FXR1: variants seen among roughly 807,000 people sequenced by gnomAD.
The protein encoded by FXR1 is FMR1 autosomal homolog 1, also known as RNA-binding protein FXR1.
Under a neutral mutation model 84.0 loss-of-function variants are expected in FXR1, and 15 were observed. That is an observed-to-expected ratio of 0.18 (90% confidence interval 0.12 to 0.27). The LOEUF is 0.27. Ranked by LOEUF, FXR1 falls within the 10% of genes least tolerant of loss-of-function variation. The pLI is 1.00. For synonymous variants in FXR1, 245 were observed against 250.7 expected (o/e 0.98, Z 0.21); for missense variants, 480 against 774.4 (o/e 0.62, Z 4.51).
intron 1 of FXR1, chr3:180,915,562 C>G: frequency 8.3e-7 from 1 of 1,201,140 alleles, no homozygotes; most frequent in Non-Finnish European, 1.2e-6. Flanking sequence ...CTAGAAGTTG[C>G]CTTGAGATGA....
At chr3:180,952,382 G>A (rs1315418739) in intron 8 of FXR1, among the ~76,000 whole-genome samples, 1 of 152,126 alleles carries the variant, frequency 6.6e-6, no homozygotes, top group East Asian at 1.9e-4. Flanking sequence ...TTTAAAAGTA[G>A]ACAGTATAAC....
rs1220276838 is a variant in FXR1, at chr3:180,977,612, A to T, written c.*1320A>T. ...GAAGATAAAGACATGAAGTTTAACAATGGACAACAGTTAGTACAGCTAATT... is the reference window on the plus strand; with the variant it reads ...GAAGATAAAGACATGAAGTTTAACATTGGACAACAGTTAGTACAGCTAATT... On this transcript the variant is annotated 3_prime_UTR_variant, in exon 17 of 17. Transcript: ENST00000357559. 2.0e-5 allele frequency: 3 copies of T among 152,114 alleles called. No homozygotes were observed. The highest frequency in any genetic ancestry group is 7.2e-5 in the African/African-American group (3 of 41,450). 9.4% of individuals were successfully genotyped at this position (152,114 alleles called of 1,614,324 possible).
rs529783282 is a variant in FXR1, at chr3:180,963,101, A to AT, written c.1198+29dup. On this transcript the variant is annotated intron_variant, in intron 13 of 16. Transcript: ENST00000357559. ...ACACCTCCGGTTATGGTAAAAAAAAATTTTTTTTTTTTTTTTTTGGTAATA... is the reference window on the plus strand; with the variant it reads ...ACACCTCCGGTTATGGTAAAAAAAAATTTTTTTTTTTTTTTTTTTGGTAATA... 60,794 of 835,086 alleles carry AT rather than the reference A, an allele frequency of 0.073. 7 individuals carry two copies. Among genetic ancestry groups the AT allele is most frequent in the Non-Finnish European group, 0.078 (41,812 of 536,292 alleles). 51.7% of individuals were successfully genotyped at this position (835,086 alleles called of 1,614,324 possible).
chr3:180,926,495 TA>T (rs57409083), intron 1 of FXR1, among the ~76,000 whole-genome samples: 1,657 of 109,608 alleles, frequency 0.015, 32 homozygotes, highest in African/African-American at 0.045. Flanking sequence ...TATATATATA[TA>T]TATATATATA....
chr3:180,915,020 C>T lies in FXR1; in HGVS notation c.51+2284C>T, dbSNP rs1717711066. The T allele has an allele frequency of 4.8e-6, 3 of 629,884 alleles. No individual in the cohort carries two copies. In the African/African-American group the frequency reaches 6.0e-5, roughly 13 times the overall value. 39.0% of individuals were successfully genotyped at this position (629,884 alleles called of 1,614,324 possible). A position where few individuals can be genotyped will look rare whatever the true frequency, so the allele number is the denominator to read the frequency against. On this transcript the variant is annotated intron_variant, in intron 1 of 16. Transcript: ENST00000357559. ...GGTCTGTACTTCACCTTACCATTAT[C>T]TAACAATGGACCCCTGAACAAATCT...
intron 3 of FXR1, among the ~76,000 whole-genome samples, chr3:180,946,929 A>C (rs910892813): frequency 6.6e-6 from 1 of 152,216 alleles, no homozygotes; most frequent in Non-Finnish European, 1.5e-5. Context: ...TAATACGTTA[A>C]AGAAGCTCTG....
intron 10 of FXR1, among the ~76,000 whole-genome samples, chr3:180,958,876 C>G (rs1205185715): frequency 6.8e-6 from 1 of 148,066 alleles, no homozygotes; most frequent in Non-Finnish European, 1.5e-5. Flanking sequence ...GGCATGATCT[C>G]GGCTCACTGC....
At chr3:180,947,018 T>C (rs1721766623) in intron 3 of FXR1, among the ~76,000 whole-genome samples, 1 of 152,164 alleles carries the variant, frequency 6.6e-6, no homozygotes, top group African/African-American at 2.4e-5. Flanking sequence ...TATTTATAGA[T>C]ATAAAGAATA....
intron 8 of FXR1, among the ~76,000 whole-genome samples, chr3:180,952,937 A>T (rs777039893): frequency 6.7e-6 from 1 of 149,746 alleles, no homozygotes; most frequent in Non-Finnish European, 1.5e-5. Context: ...GGCTCAAGCC[A>T]TCCTCTGGCC....
At chr3:180,926,958 T>G (rs1719301306) in intron 1 of FXR1, among the ~76,000 whole-genome samples, 1 of 152,122 alleles carries the variant, frequency 6.6e-6, no homozygotes, top group Non-Finnish European at 1.5e-5. Flanking sequence ...TGTACAGATT[T>G]CTAAGCCACA....
At chr3:180,964,901 C>T (rs1430681452) in intron 13 of FXR1, among the ~76,000 whole-genome samples, 1 of 151,638 alleles carries the variant, frequency 6.6e-6, no homozygotes, top group African/African-American at 2.4e-5. Flanking sequence ...AGCTGTTAAG[C>T]TTAGCACAAC....
At position 180,980,315 on chromosome 3, in the gene FXR1, C is replaced by CAGTA. The variant is rs1714549326; in HGVS notation, c.*4025_*4026insTAAG. The CAGTA allele has an allele frequency of 6.6e-6, 1 of 152,066 alleles. No individual in the cohort carries two copies. Among genetic ancestry groups the CAGTA allele is most frequent in the Non-Finnish European group, 1.5e-5 (1 of 67,952 alleles). 9.4% of individuals were successfully genotyped at this position (152,066 alleles called of 1,614,324 possible). On this transcript the variant is annotated 3_prime_UTR_variant, in exon 17 of 17. Transcript: ENST00000357559. ...ACAAAGTAATTTTTCACAAGTCTTA[C>CAGTA]AGCCCCACTATTAAGTATGCTACTA...
At chr3:180,928,356 C>G (rs906725208) in intron 1 of FXR1, among the ~76,000 whole-genome samples, 2 of 149,250 alleles carry the variant, frequency 1.3e-5, no homozygotes, top group Non-Finnish European at 3.0e-5. Context: ...TTATTGTTCC[C>G]TCCCATCCCA....
chr3:180,915,333 TTTTCAGTCAACC>T, intron 1 of FXR1: 1 of 563,186 alleles, frequency 1.8e-6, no homozygotes, highest in South Asian at 2.4e-5. Context: ...CGTCATGCCC[TTTTCAGTCAACC>T]ATTCCTCAAC....
chr3:180,935,264 A>G (rs760674800), intron 3 of FXR1, 33 bp downstream of exon 3: 11 of 920,210 alleles, frequency 1.2e-5, no homozygotes, highest in East Asian at 9.7e-5. Flanking sequence ...TCTTGTGTCT[A>G]TTTTTTTGAT....
chr3:180,963,497 A>C (rs1712405964), intron 13 of FXR1, among the ~76,000 whole-genome samples: 1 of 152,162 alleles, frequency 6.6e-6, no homozygotes, highest in South Asian at 2.1e-4. Flanking sequence ...AAAAAATGAA[A>C]AGTGTGCGAA....
intron 3 of FXR1, among the ~76,000 whole-genome samples, chr3:180,943,832 C>G: frequency 6.6e-6 from 1 of 152,048 alleles, no homozygotes; most frequent in East Asian, 1.9e-4. Flanking sequence ...GCAAATGAGG[C>G]TTGATTTACC....
chr3:180,945,455 A>T (rs547271080), intron 3 of FXR1, among the ~76,000 whole-genome samples: 9 of 151,968 alleles, frequency 5.9e-5, no homozygotes, highest in African/African-American at 1.5e-4. Context: ...CCCAGGGTTG[A>T]GTGTAGTGGT....
At chr3:180,970,727 A>T (rs567062431) in intron 15 of FXR1, 3 of 154,790 alleles carry the variant, frequency 1.9e-5, no homozygotes, top group South Asian at 3.9e-4. Flanking sequence ...GTAAAGGTAC[A>T]TATATCAAGA....
Sources: allele counts gnomAD v4.1 joint callset (sites outside exome capture counted in the v4.1 genomes callset), GRCh38; gene constraint gnomAD v4.1.1; transcripts MANE v1.5; gene names NCBI Gene and HGNC (gene_info 2026-07-23, HGNC 2026-07-21).